UBE2R2: variants seen among roughly 807,000 people sequenced by gnomAD.
UBE2R2 encodes ubiquitin conjugating enzyme E2 R2.
UBE2R2 carries 1 observed loss-of-function variant against 27.8 expected under a neutral mutation model. That is an observed-to-expected ratio of 0.04 (90% confidence interval 0.01 to 0.17). UBE2R2 has a LOEUF of 0.17. UBE2R2 is among the 10% of genes least tolerant of loss of function. The pLI, the probability that UBE2R2 is intolerant of heterozygous loss-of-function variation, is 1.00. For synonymous variants in UBE2R2, 106 were observed against 113.3 expected, an observed-to-expected ratio of 0.94 and a Z score of 0.41; for missense variants, 100 against 291.0, an observed-to-expected ratio of 0.34 and a Z score of 4.78.
At chr9:33,827,653 T>A (rs1236811174) in intron 1 of UBE2R2, among the ~76,000 whole-genome samples, 1 of 150,124 alleles carries the variant, frequency 6.7e-6, no homozygotes, top group Non-Finnish European at 1.5e-5. Context: ...AAAAAAAAAT[T>A]AATTAATTAA....
At chr9:33,818,014 C>T in intron 1 of UBE2R2, 80 bp downstream of exon 1, 2 of 1,527,996 alleles carry the variant, frequency 1.3e-6, no homozygotes, top group Admixed American at 2.0e-5. Flanking sequence ...TTCCTGGGAC[C>T]AGGAGTATGA....
Position 33,877,823 on chromosome 9 carries a change from G to GTCTGTCTGTCTGTCTGTCTCTCTC in UBE2R2, c.178-9055_178-9054insGTCTGTCTGTCTGTCTCTCTCTCT. ...TCTCTGTCTGTCTGTCTGTCTGTCTGTCTCTCTCTCTCTCTCTCTCTCTCT... is the reference window on the plus strand; with the variant it reads ...TCTCTGTCTGTCTGTCTGTCTGTCTGTCTGTCTGTCTGTCTGTCTCTCTCTCTCTCTCTCTCTCTCTCTCTCTCT... On this transcript the variant is annotated intron_variant, in intron 1 of 4. Transcript: ENST00000263228. Among the ~76,000 whole-genome samples the GTCTGTCTGTCTGTCTGTCTCTCTC allele has an allele frequency of 6.3e-3, 820 of 131,084 alleles. 10 individuals carry two copies. Among genetic ancestry groups the GTCTGTCTGTCTGTCTGTCTCTCTC allele is most frequent in the African/African-American group, 0.025 (751 of 30,304 alleles). The allele number at this position is 131,084 out of a possible 152,430, so 86.0% of individuals were successfully genotyped here.
At chr9:33,853,852 C>G (rs1169103304) in intron 1 of UBE2R2, among the ~76,000 whole-genome samples, 1 of 149,218 alleles carries the variant, frequency 6.7e-6, no homozygotes, top group African/African-American at 2.5e-5. Flanking sequence ...GCCACCACAC[C>G]TAGATAATTA....
chr9:33,895,804 G>T (rs1195832180), intron 2 of UBE2R2, among the ~76,000 whole-genome samples: 1 of 114,736 alleles, frequency 8.7e-6, no homozygotes, highest in Non-Finnish European at 1.6e-5. Flanking sequence ...ATGGAGTCTC[G>T]CTCTGTTGCC....
intron 2 of UBE2R2, among the ~76,000 whole-genome samples, chr9:33,895,359 C>G (rs1822077372): frequency 6.6e-6 from 1 of 152,110 alleles, no homozygotes; most frequent in Non-Finnish European, 1.5e-5. Flanking sequence ...AATTGGCCAT[C>G]AATGTATTGG....
Position 33,912,047 on chromosome 9 carries a change from G to T in UBE2R2, c.446G>T (p.Arg149Met). The change falls in exon 4 of 5, where the codon AGG becomes ATG. Residue 149 changes from arginine (R) to methionine (M), a missense_variant. Physicochemically the swap from Arg to Met is moderately conservative, Grantham distance 91 (BLOSUM62 -1). This residue lies in a region of UBE2R2 where 55 missense variants were observed against 122.6 expected (regional missense o/e 0.45). Coordinates refer to ENST00000263228, the MANE Select transcript of UBE2R2 (RefSeq NM_017811.4). Reference protein sequence around the residue: ...PANVDASVMFRKWRDSKGKDK... With the variant: ...PANVDASVMFMKWRDSKGKDK... ...AATGTCGATGCTTCAGTTATGTTCA[G>T]GAAATGGAGAGACAGTAAAGGAAAA... 1 of 1,613,358 alleles carries T rather than the reference G, an allele frequency of 6.2e-7. No individual in the cohort carries two copies. The highest frequency in any genetic ancestry group is 8.5e-7 in the Non-Finnish European group (1 of 1,179,730).
intron 1 of UBE2R2, among the ~76,000 whole-genome samples, chr9:33,875,973 T>C (rs996866110): frequency 6.6e-6 from 1 of 152,222 alleles, no homozygotes; most frequent in South Asian, 2.1e-4. Context: ...GAAATTTCAG[T>C]GACAAGTTGG....
intron 3 of UBE2R2, among the ~76,000 whole-genome samples, chr9:33,911,515 C>T (rs1822490215): frequency 6.7e-6 from 1 of 149,966 alleles, no homozygotes; most frequent in Non-Finnish European, 1.5e-5. Flanking sequence ...AAGCTTTTTC[C>T]CCCATGCCAT....
intron 1 of UBE2R2, among the ~76,000 whole-genome samples, chr9:33,834,849 G>T (rs1434520856): frequency 6.6e-6 from 1 of 151,520 alleles, no homozygotes; most frequent in Non-Finnish European, 1.5e-5. Flanking sequence ...GGTGGAGGTT[G>T]CAGTAAGCCG....
chr9:33,862,318 G>T (rs761205482), intron 1 of UBE2R2, among the ~76,000 whole-genome samples: 2 of 151,968 alleles, frequency 1.3e-5, no homozygotes, highest in Non-Finnish European at 2.9e-5. Context: ...AACCCCATTC[G>T]GTTGTCATAC....
chr9:33,910,192 T>C (rs762649720), intron 3 of UBE2R2, among the ~76,000 whole-genome samples: 69 of 152,314 alleles, frequency 4.5e-4, no homozygotes, highest in African/African-American at 1.6e-3. Context: ...TTGCCCATGC[T>C]GGAGTACAGT....
intron 1 of UBE2R2, chr9:33,830,864 T>C (rs1820458346): frequency 1.3e-5 from 2 of 152,086 alleles, no homozygotes; most frequent in Non-Finnish European, 2.9e-5. Context: ...ATAATTCATA[T>C]TGGCTCATTT....
chr9:33,831,130 T>C (rs897750929), intron 1 of UBE2R2: 1 of 141,632 alleles, frequency 7.1e-6, no homozygotes, highest in African/African-American at 2.7e-5. Context: ...TTGGAAAATA[T>C]GTAGTAGTTC....
At chr9:33,893,525 A>G (rs1353367508) in intron 2 of UBE2R2, among the ~76,000 whole-genome samples, 1 of 152,192 alleles carries the variant, frequency 6.6e-6, no homozygotes, top group African/African-American at 2.4e-5. Context: ...GCTGCTCTGA[A>G]CATGCATGTG....
chr9:33,884,227 T>TCTCTCTCTCTCTCTCTCTCTCTCTCC (rs1821802159), intron 1 of UBE2R2, among the ~76,000 whole-genome samples: 1 of 146,570 alleles, frequency 6.8e-6, no homozygotes, highest in Non-Finnish European at 1.5e-5. Context: ...TCTCTCTCTC[T>TCTCTCTCTCTCTCTCTCTCTCTCTCC]CTCTCTCTTC....
At chr9:33,849,800 T>G (rs1189802565) in intron 1 of UBE2R2, among the ~76,000 whole-genome samples, 1 of 151,796 alleles carries the variant, frequency 6.6e-6, no homozygotes, top group Non-Finnish European at 1.5e-5. Flanking sequence ...GAGGTTGCAG[T>G]GAGCCAAGCC....
At chr9:33,878,695 A>C (rs1031866746) in intron 1 of UBE2R2, among the ~76,000 whole-genome samples, 7 of 152,198 alleles carry the variant, frequency 4.6e-5, no homozygotes, top group African/African-American at 1.4e-4. Context: ...CCTGCCAGAG[A>C]GAAGCCAACT....
At chr9:33,888,620 G>C (rs954579376) in intron 2 of UBE2R2, among the ~76,000 whole-genome samples, 2 of 152,154 alleles carry the variant, frequency 1.3e-5, no homozygotes, top group Non-Finnish European at 2.9e-5. Flanking sequence ...GGGTTCAAGC[G>C]ATTCTCCTGT....
chr9:33,845,462 A>G (rs1820823952), intron 1 of UBE2R2, among the ~76,000 whole-genome samples: 1 of 151,636 alleles, frequency 6.6e-6, no homozygotes, highest in Non-Finnish European at 1.5e-5. Flanking sequence ...GTTAGCCAGA[A>G]TGATCTTGAT....
Sources: allele counts gnomAD v4.1 joint callset (sites outside exome capture counted in the v4.1 genomes callset), GRCh38; gene constraint gnomAD v4.1.1; regional missense constraint gnomAD v4.1.1; transcripts MANE v1.5; gene names NCBI Gene and HGNC (gene_info 2026-07-23, HGNC 2026-07-21).